The following RPS6KC1 variants were observed in gnomAD, a reference collection of about 807,000 sequenced individuals.
RPS6KC1 encodes the protein inactive ribosomal protein S6 kinase delta-1.
In RPS6KC1, 54 loss-of-function variants were observed where a neutral mutation model predicts 103.8. The ratio of observed to expected loss-of-function variants is 0.52; its 90% CI spans 0.42 to 0.65. The LOEUF (loss-of-function observed/expected upper bound fraction) is 0.65, where lower values mean the gene tolerates loss of function less well. RPS6KC1 is among the 30% of genes least tolerant of loss of function. RPS6KC1 has a pLI of 0.00. For missense variants in RPS6KC1, 1,151 were observed against 1,253.8 expected, an observed-to-expected ratio of 0.92 and a Z score of 1.24; for synonymous variants, 439 against 438.7, an observed-to-expected ratio of 1.00 and a Z score of -0.01.
the RPS6KC1 span, among the ~76,000 whole-genome samples, chr1:213,305,313 C>A: frequency 6.6e-6 from 1 of 152,084 alleles, no homozygotes; most frequent in African/African-American, 2.4e-5. Flanking sequence ...GAACTCCTGA[C>A]GTCAGGTGAT....
the RPS6KC1 span, among the ~76,000 whole-genome samples, chr1:213,483,966 G>C: frequency 3.7e-3 from 560 of 152,332 alleles, 8 homozygotes; most frequent in Middle Eastern, 3.4e-3. Flanking sequence ...CCTTCCAGGT[G>C]TAGAGGGGAT....
the RPS6KC1 span, among the ~76,000 whole-genome samples, chr1:213,737,303 G>T: frequency 6.6e-6 from 1 of 152,142 alleles, no homozygotes; most frequent in Non-Finnish European, 1.5e-5. Context: ...AGGTTTTGGG[G>T]GGTTGTTGTT....
the RPS6KC1 span, among the ~76,000 whole-genome samples, chr1:213,640,280 T>C: frequency 6.6e-6 from 1 of 151,488 alleles, no homozygotes; most frequent in South Asian, 2.1e-4. Flanking sequence ...AATTTGTGTC[T>C]TCTCTCTCTC....
At chr1:213,654,498 T>G in the RPS6KC1 span, among the ~76,000 whole-genome samples, 1 of 152,348 alleles carries the variant, frequency 6.6e-6, no homozygotes, top group East Asian at 1.9e-4. Flanking sequence ...GCATTACAGC[T>G]TTAAGTACTG....
At chr1:213,526,101 A>G in the RPS6KC1 span, among the ~76,000 whole-genome samples, 2 of 152,188 alleles carry the variant, frequency 1.3e-5, no homozygotes, top group Non-Finnish European at 2.9e-5. Context: ...GGAGAACAAA[A>G]GGATAATTCT....
At chr1:213,281,392 C>T in the RPS6KC1 span, among the ~76,000 whole-genome samples, 1 of 152,252 alleles carries the variant, frequency 6.6e-6, no homozygotes, top group African/African-American at 2.4e-5. Context: ...GTTCAGCCCA[C>T]CCTTTCTGGG....
At chr1:213,493,685 C>T in the RPS6KC1 span, among the ~76,000 whole-genome samples, 1 of 152,228 alleles carries the variant, frequency 6.6e-6, no homozygotes, top group Non-Finnish European at 1.5e-5. Context: ...GCTCCCCACA[C>T]TTCATCATTT....
the RPS6KC1 span, among the ~76,000 whole-genome samples, chr1:213,606,900 C>T: frequency 1.4e-4 from 22 of 152,116 alleles, no homozygotes; most frequent in Non-Finnish European, 3.2e-4. Flanking sequence ...TAATAGACAC[C>T]TTGTGTATAA....
chr1:213,779,550 T>A, the RPS6KC1 span, among the ~76,000 whole-genome samples: 1 of 152,232 alleles, frequency 6.6e-6, no homozygotes, highest in South Asian at 2.1e-4. Flanking sequence ...GTCTTTGTTG[T>A]CTGTCGTGGT....
the RPS6KC1 span, among the ~76,000 whole-genome samples, chr1:213,808,741 C>A: frequency 6.2e-3 from 942 of 152,372 alleles, 11 homozygotes; most frequent in African/African-American, 0.022. Context: ...CCGAGTGAGG[C>A]AATGCCTCGC....
chr1:213,420,143 G>T, the RPS6KC1 span, among the ~76,000 whole-genome samples: 1 of 152,162 alleles, frequency 6.6e-6, no homozygotes, highest in African/African-American at 2.4e-5. Flanking sequence ...TCGCCACTGC[G>T]TGGGAGGATT....
chr1:213,860,179 A>G, the RPS6KC1 span, among the ~76,000 whole-genome samples: 5 of 151,044 alleles, frequency 3.3e-5, no homozygotes, highest in Admixed American at 1.3e-4. Flanking sequence ...ATATATGAAG[A>G]AAGTTCTTAA....
chr1:213,366,282 G>T, the RPS6KC1 span, among the ~76,000 whole-genome samples: 1 of 152,318 alleles, frequency 6.6e-6, no homozygotes, highest in Non-Finnish European at 1.5e-5. Flanking sequence ...GCTGTGAGAC[G>T]CACGGAGACA....
At chr1:213,179,898 AACTT>A (rs1487463776) in intron 8 of RPS6KC1, among the ~76,000 whole-genome samples, 2 of 152,158 alleles carry the variant, frequency 1.3e-5, no homozygotes, top group Non-Finnish European at 2.9e-5. Flanking sequence ...AATGAATTGA[AACTT>A]AATTAATTTT....
chr1:213,840,903 G>A, the RPS6KC1 span: 1 of 152,272 alleles, frequency 6.6e-6, no homozygotes, highest in East Asian at 1.9e-4. Context: ...ACTGTGATGA[G>A]AAGTGGGACA....
chr1:213,359,624 G>A, the RPS6KC1 span, among the ~76,000 whole-genome samples: 23 of 152,192 alleles, frequency 1.5e-4, no homozygotes, highest in Non-Finnish European at 2.4e-4. Flanking sequence ...TATTTTGCTC[G>A]TTAGTTGATG....
the RPS6KC1 span, among the ~76,000 whole-genome samples, chr1:213,368,073 GA>G: frequency 6.6e-6 from 1 of 152,226 alleles, no homozygotes; most frequent in Non-Finnish European, 1.5e-5. Flanking sequence ...GGGAGTCTGA[GA>G]TGCAAACAAG....
intron 3 of RPS6KC1, among the ~76,000 whole-genome samples, chr1:213,078,888 A>G (rs779766169): frequency 1.3e-5 from 2 of 152,100 alleles, no homozygotes; most frequent in Non-Finnish European, 2.9e-5. Flanking sequence ...CAATAATACC[A>G]TCTCCTAGAT....
At chr1:213,416,078 G>A in the RPS6KC1 span, among the ~76,000 whole-genome samples, 3 of 152,198 alleles carry the variant, frequency 2.0e-5, no homozygotes, top group Non-Finnish European at 4.4e-5. Flanking sequence ...TGTGTCACCC[G>A]GGGTGAGGGT....
Sources: gnomAD v4.1 joint callset for allele counts (sites outside exome capture counted in the v4.1 genomes callset) on GRCh38, gnomAD v4.1.1 for gene constraint, MANE v1.5 for transcripts, NCBI Gene and HGNC (gene_info 2026-07-23, HGNC 2026-07-21) for gene names.